ADGRG1: variants seen among roughly 807,000 people sequenced by gnomAD.
The protein encoded by ADGRG1 is adhesion G protein-coupled receptor G1, also known as 7-transmembrane protein with no EGF-like N-terminal domains-1.
In ADGRG1, 53 loss-of-function variants were observed where a neutral mutation model predicts 73.5. The ratio of observed to expected loss-of-function variants is 0.72; its 90% CI spans 0.58 to 0.91. The LOEUF (loss-of-function observed/expected upper bound fraction) is 0.91. Among genes scored for constraint, ADGRG1 ranks in the 40% least tolerant of loss-of-function variants. The pLI is 0.00. For synonymous variants in ADGRG1, 394 were observed against 374.4 expected (o/e 1.05, Z -0.60); for missense variants, 795 against 871.8 (o/e 0.91, Z 1.11).
chr16:57,646,619 CT>C, intron 1 of ADGRG1: 1 of 985,236 alleles, frequency 1.0e-6, no homozygotes, highest in African/African-American at 1.7e-5. Context: ...CTCTCCTTCC[CT>C]TTGTGGGGAT....
At chr16:57,629,168 TG>T (rs1369532283) in intron 1 of ADGRG1, 56 of 978,456 alleles carry the variant, frequency 5.7e-5, no homozygotes, top group East Asian at 2.3e-4. Context: ...AATGGGGAAA[TG>T]GGGGGGTCTT....
chr16:57,658,979 TG>T, intron 10 of ADGRG1: 1 of 985,272 alleles, frequency 1.0e-6, no homozygotes, highest in Non-Finnish European at 1.2e-6. Flanking sequence ...CACATTGACT[TG>T]CAAACCTCAG....
intron 1 of ADGRG1, 111 bp downstream of exon 1, chr16:57,628,913 T>C: frequency 1.2e-6 from 1 of 826,672 alleles, no homozygotes; most frequent in East Asian, 1.8e-4. Context: ...TGTGAGTGTG[T>C]GAGAGTGAGT....
rs1228877576 is a variant in ADGRG1 at position 57,657,389 on chromosome 16, T to A, written c.1184T>A (p.Val395Glu). The A allele has an allele frequency of 6.2e-7, 1 of 1,613,744 alleles. No individual in the cohort carries two copies. The highest frequency in any genetic ancestry group is 1.3e-5 in the African/African-American group (1 of 74,866). ...FAVLMVSSVE[V>E]DAVHKHYLSL... ...TGGGGCCAGGTCTCCTCGGTGGAGGTGGACGCCGTGCACAAGCACTACCTG... is the reference window on the plus strand; with the variant it reads ...TGGGGCCAGGTCTCCTCGGTGGAGGAGGACGCCGTGCACAAGCACTACCTG... Residue 395 changes from valine to glutamate, a missense_variant, in exon 10 of 14, where the codon GTG becomes GAG. By Grantham distance (121) the Val-to-Glu change is moderately radical. Transcript: ENST00000562631.
At chr16:57,657,216 A>G (rs1201488560) in intron 9 of ADGRG1, 157 bp from the exon 10 acceptor site, 1 of 538,818 alleles carries the variant, frequency 1.9e-6, no homozygotes, top group East Asian at 1.5e-4. Context: ...CACTCCAGAA[A>G]AATGCACTTA....
intron 1 of ADGRG1, chr16:57,642,178 C>A (rs567157227): frequency 1.0e-6 from 1 of 985,436 alleles, no homozygotes; most frequent in East Asian, 1.1e-4. Flanking sequence ...ACAGGCCCAG[C>A]TGGCCACGGC....
intron 1 of ADGRG1, chr16:57,629,217 G>A (rs1189535457): frequency 4.4e-5 from 43 of 978,182 alleles, no homozygotes; most frequent in Non-Finnish European, 4.7e-5. Flanking sequence ...CAGCATGGCT[G>A]TGGGTGGGTC....
At chr16:57,655,559 A>C in intron 6 of ADGRG1, 29 bp downstream of exon 6, 3 of 1,612,188 alleles carry the variant, frequency 1.9e-6, no homozygotes, top group Non-Finnish European at 2.5e-6. Flanking sequence ...CATGCCTCCC[A>C]GGAGAAAGCA....
At chr16:57,651,997 T>G in intron 3 of ADGRG1, 1 of 1,212,060 alleles carries the variant, frequency 8.3e-7, no homozygotes, top group Middle Eastern at 3.6e-4. Context: ...GGAAGAATTC[T>G]TCCTCAGCAT....
At chr16:57,626,493 T>TCA (rs1264350438), upstream of ADGRG1, 1 of 652,462 alleles carries the variant, frequency 1.5e-6, no homozygotes, top group Non-Finnish European at 1.9e-6. Flanking sequence ...GCCTGCTTCC[T>TCA]CACCTGCCTG....
rs1390534835 is a variant in ADGRG1 at position 57,628,655 on chromosome 16, C to G, written c.-183C>G. On this transcript the variant is annotated 5_prime_UTR_variant, in exon 1 of 14. Transcript: ENST00000562631. ...GCACTAGCTGTCTGCCCTGCCCTGCCGTAGGAGATGGGCTGGGAGCCTCCC... is the reference window on the plus strand; with the variant it reads ...GCACTAGCTGTCTGCCCTGCCCTGCGGTAGGAGATGGGCTGGGAGCCTCCC... 1 of 985,526 alleles carries G rather than the reference C, an allele frequency of 1.0e-6. No homozygotes were observed. The highest frequency in any genetic ancestry group is 4.7e-5 in the South Asian group (1 of 21,294). The allele number at this position is 985,526 out of a possible 1,614,324, so 61.0% of individuals were successfully genotyped here. A position where few individuals can be genotyped will look rare whatever the true frequency, so the allele number is the denominator to read the frequency against.
upstream of ADGRG1, chr16:57,626,842 G>A (rs113065415): frequency 2.0e-6 from 2 of 977,914 alleles, no homozygotes; most frequent in African/African-American, 3.5e-5. Flanking sequence ...TGAGGCAGAG[G>A]TGGTGGTATG....
chr16:57,625,690 G>C, upstream of ADGRG1: 1 of 982,590 alleles, frequency 1.0e-6, no homozygotes, highest in Non-Finnish European at 1.2e-6. Context: ...CTATCTGTAG[G>C]TCTGAAGACC....
intron 1 of ADGRG1, among the ~76,000 whole-genome samples, chr16:57,637,014 A>G (rs1277202760): frequency 6.6e-6 from 1 of 152,156 alleles, no homozygotes; most frequent in Non-Finnish European, 1.5e-5. Context: ...AGGGTCCTGG[A>G]AAGGATGTGC....
chr16:57,655,838 T>A, intron 6 of ADGRG1, 38 bp from the exon 7 acceptor site: 7 of 1,613,706 alleles, frequency 4.3e-6, no homozygotes, highest in Non-Finnish European at 5.9e-6. Flanking sequence ...AGTCCTGAAC[T>A]CCCTCCCTAC....
At chr16:57,645,043 A>G in intron 1 of ADGRG1, 2 of 981,040 alleles carry the variant, frequency 2.0e-6, no homozygotes, top group Non-Finnish European at 2.4e-6. Context: ...ACTCATGCAC[A>G]TACACACACT....
chr16:57,646,372 G>A, intron 1 of ADGRG1: 2 of 985,292 alleles, frequency 2.0e-6, no homozygotes, highest in Non-Finnish European at 2.4e-6. Flanking sequence ...GTGGTGGGGT[G>A]GGGGTCTCAG....
At chr16:57,622,202 T>C (rs1297519423) in intron 2 of ADGRG1, 1 of 151,438 alleles carries the variant, frequency 6.6e-6, no homozygotes, top group African/African-American at 2.4e-5. Context: ...GCAGTGGCAG[T>C]GACAGAGGCT....
Position 57,651,385 on chromosome 16 carries a change from C to A in ADGRG1, c.250C>A (p.Pro84Thr). The change falls in exon 3 of 14, where the codon CCC (proline) becomes ACC (threonine). Residue 84 changes from proline (P) to threonine (T), a missense_variant. Pro to Thr is a conservative substitution (Grantham distance 38). Transcript: ENST00000562631. ...AHPASRSFPD[P>T]RGLYHFCLYW... ...CCCTGCTTCCCGATCCTTCCCTGAC[C>A]CCAGGGGCCTCTACCACTTCTGCCT... 6.2e-7 allele frequency: 1 copy of A among 1,614,158 alleles called. No individual in the cohort carries two copies. The highest frequency in any genetic ancestry group is 8.5e-7 in the Non-Finnish European group (1 of 1,179,990).
Sources: gnomAD v4.1 joint callset for allele counts (sites outside exome capture counted in the v4.1 genomes callset) on GRCh38, gnomAD v4.1.1 for gene constraint, MANE v1.5 for transcripts, NCBI Gene and HGNC (gene_info 2026-07-23, HGNC 2026-07-21) for gene names.